Variants in NLGN4X observed in about 807,000 individuals in gnomAD.
The protein encoded by NLGN4X is neuroligin-4, X-linked.
Under a neutral mutation model 40.3 loss-of-function variants are expected in NLGN4X, and 3 were observed. That is an observed-to-expected ratio of 0.07 (90% CI 0.03 to 0.19). NLGN4X has a LOEUF of 0.19. Ranked by LOEUF, NLGN4X falls within the 10% of genes least tolerant of loss-of-function variation. The probability of loss-of-function intolerance (pLI) is 1.00; values close to 1 mark genes in which losing one functional copy is unlikely to be tolerated. For missense variants in NLGN4X, 382 were observed against 708.3 expected (o/e 0.54, Z 5.23); for synonymous variants, 270 against 306.8 (o/e 0.88, Z 1.25).
At chrX:5,980,252 C>T (rs1487727335) in intron 3 of NLGN4X, among the ~76,000 whole-genome samples, 1 of 108,940 alleles carries the variant, frequency 9.2e-6, no homozygotes, top group Non-Finnish European at 1.9e-5. Context: ...TGTATGTATG[C>T]ATACATTTAT....
intron 3 of NLGN4X, among the ~76,000 whole-genome samples, chrX:5,984,021 G>A (rs1190620981): frequency 9.0e-6 from 1 of 111,116 alleles, no homozygotes; most frequent in Non-Finnish European, 1.9e-5. Flanking sequence ...TCTAATATAT[G>A]CATAATTATA....
intron 2 of NLGN4X, among the ~76,000 whole-genome samples, chrX:6,145,435 T>C (rs2040026264): frequency 8.9e-6 from 1 of 112,380 alleles, no homozygotes. Context: ...CCTGCCATTC[T>C]GCCAATCTGA....
chrX:6,215,521 C>T (rs185815179), intron 1 of NLGN4X, among the ~76,000 whole-genome samples: 1 of 98,485 alleles, frequency 1.0e-5, no homozygotes, highest in Admixed American at 1.1e-4. Context: ...TGCACTCCAG[C>T]GTGGGTAACG....
At chrX:5,983,716 T>C (rs1228545786) in intron 3 of NLGN4X, among the ~76,000 whole-genome samples, 2 of 111,898 alleles carry the variant, frequency 1.8e-5, no homozygotes, top group African/African-American at 3.2e-5. Flanking sequence ...GTTAGAAGGA[T>C]TGCTTGAGGC....
chrX:6,216,861 G>A (rs983613349), intron 1 of NLGN4X, among the ~76,000 whole-genome samples: 2 of 112,065 alleles, frequency 1.8e-5, no homozygotes, highest in Admixed American at 1.9e-4. Flanking sequence ...ATAGCTCACT[G>A]CAGCCTCAAA....
At chrX:6,063,293 A>G (rs747134074) in intron 2 of NLGN4X, among the ~76,000 whole-genome samples, 1 of 111,784 alleles carries the variant, frequency 8.9e-6, no homozygotes, top group Non-Finnish European at 1.9e-5. Context: ...TGGGCAACAT[A>G]GCAAGACCCA....
chrX:6,165,514 G>A (rs1479132334), intron 1 of NLGN4X, among the ~76,000 whole-genome samples: 1 of 111,581 alleles, frequency 9.0e-6, no homozygotes, highest in Admixed American at 9.5e-5. Flanking sequence ...TCAGTAAATA[G>A]CAGTCAATAT....
At chrX:6,122,624 T>G (rs2147584438) in intron 2 of NLGN4X, among the ~76,000 whole-genome samples, 1 of 109,884 alleles carries the variant, frequency 9.1e-6, no homozygotes, top group South Asian at 4.0e-4. Context: ...CCAAGAAATT[T>G]TTAAGAGCCA....
At chrX:6,187,583 C>T (rs1402306131) in intron 1 of NLGN4X, 1 of 112,584 alleles carries the variant, frequency 8.9e-6, no homozygotes, top group African/African-American at 3.2e-5. Flanking sequence ...GCGAAGTCTC[C>T]ACTGAAGGAG....
At chrX:6,025,775 G>A (rs1029528436) in intron 3 of NLGN4X, among the ~76,000 whole-genome samples, 2 of 108,668 alleles carry the variant, frequency 1.8e-5, no homozygotes, top group African/African-American at 3.4e-5. Context: ...GTGGTGGCAG[G>A]CGCCTGTAAT....
At chrX:5,907,438 C>T (rs2032246490) in intron 4 of NLGN4X, among the ~76,000 whole-genome samples, 1 of 111,834 alleles carries the variant, frequency 8.9e-6, no homozygotes, top group African/African-American at 3.3e-5. Context: ...GCCTCAGGCA[C>T]TCCAGCAGGG....
intron 3 of NLGN4X, among the ~76,000 whole-genome samples, chrX:6,004,135 T>C (rs1240669602): frequency 1.8e-5 from 2 of 112,492 alleles, no homozygotes. Flanking sequence ...TTATTTCCCA[T>C]GTTGGGGTGG....
intron 2 of NLGN4X, among the ~76,000 whole-genome samples, chrX:6,040,941 C>A (rs1017994530): frequency 2.7e-5 from 3 of 111,284 alleles, no homozygotes; most frequent in African/African-American, 9.8e-5. Flanking sequence ...TGATCCCCCC[C>A]AAAAAAATAT....
At chrX:5,979,767 C>T (rs765395815) in intron 3 of NLGN4X, among the ~76,000 whole-genome samples, 11 of 97,998 alleles carry the variant, frequency 1.1e-4, no homozygotes, top group African/African-American at 4.6e-4. Flanking sequence ...TGTATATATA[C>T]ACACATACAT....
intron 3 of NLGN4X, among the ~76,000 whole-genome samples, chrX:6,015,195 TTC>T (rs1396149260): frequency 8.9e-6 from 1 of 112,013 alleles, no homozygotes; most frequent in Non-Finnish European, 1.9e-5. Context: ...TGGGGATTTT[TTC>T]TCTGTTTTGT....
At chrX:5,980,345 T>C (rs1207680820) in intron 3 of NLGN4X, among the ~76,000 whole-genome samples, 1 of 110,300 alleles carries the variant, frequency 9.1e-6, no homozygotes, top group Admixed American at 9.7e-5. Context: ...CCCTTAGCAA[T>C]GTCTTTCATG....
chrX:5,933,581 A>G (rs1401900500), intron 3 of NLGN4X, among the ~76,000 whole-genome samples: 1 of 112,022 alleles, frequency 8.9e-6, no homozygotes, highest in Non-Finnish European at 1.9e-5. Context: ...GTGATCAGTT[A>G]TGGTTAACCA....
intron 1 of NLGN4X, chrX:6,187,582 C>G (rs1318741792): frequency 8.9e-6 from 1 of 112,598 alleles, no homozygotes; most frequent in Non-Finnish European, 1.9e-5. Context: ...GGCGAAGTCT[C>G]CACTGAAGGA....
At chrX:6,218,191 A>G (rs988430737) in intron 1 of NLGN4X, among the ~76,000 whole-genome samples, 7 of 111,280 alleles carry the variant, frequency 6.3e-5, no homozygotes, top group African/African-American at 1.6e-4. Flanking sequence ...AGCATTACCT[A>G]AGACAAGCAG....
Sources: allele counts gnomAD v4.1 joint callset (sites outside exome capture counted in the v4.1 genomes callset), GRCh38; gene constraint gnomAD v4.1.1; transcripts MANE v1.5; gene names NCBI Gene and HGNC (gene_info 2026-07-23, HGNC 2026-07-21).